The following HOXD9 variants were observed in gnomAD, a reference collection of about 807,000 sequenced individuals.
HOXD9 encodes the protein homeobox protein Hox-D9.
In HOXD9, 21 loss-of-function variants were observed where a neutral mutation model predicts 24.6. That is an observed-to-expected ratio of 0.85 (90% CI 0.61 to 1.23). HOXD9 has a LOEUF of 1.23. Ranked by LOEUF, HOXD9 falls within the 50% of genes most tolerant of loss-of-function variation. HOXD9 has a pLI of 0.00. For missense variants in HOXD9, 503 were observed against 503.6 expected, an observed-to-expected ratio of 1.00 and a Z score of 0.01; for synonymous variants, 240 against 226.4, an observed-to-expected ratio of 1.06 and a Z score of -0.54.
rs554224944 is a variant in HOXD9 at position 176,124,918 on chromosome 2, G to A, written c.*743G>A. ...ATAAATGCTGACCTGATCAAATGGA[G>A]CCCAGACGCTGGCCCTAAACATTGT... On this transcript the variant is annotated 3_prime_UTR_variant, in exon 2 of 2. Coordinates refer to ENST00000249499, the MANE Select transcript of HOXD9 (RefSeq NM_014213.4). The A allele has an allele frequency of 1.3e-5, 2 of 152,364 alleles. No individual in the cohort carries two copies. Among genetic ancestry groups the A allele is most frequent in the South Asian group, 4.1e-4 (2 of 4,830 alleles). 9.4% of individuals were successfully genotyped at this position (152,364 alleles called of 1,614,324 possible).
Position 176,123,379 on chromosome 2 carries a change from G to T in HOXD9, c.611G>T (p.Gly204Val). ...GCCCGGGAGTCCCAGGGGAGCAGCG[G>T]CCCCGAGTTCTCGTGCAACTCGTTC... ...SVARESQGSS[G>V]PEFSCNSFLQ... is the part of the protein sequence containing the mutation. The change falls in exon 1 of 2, where the codon GGC (glycine) becomes GTC (valine). Residue 204 changes from glycine to valine, a missense_variant. Transcript: ENST00000249499. This position sits in a 1 kb window ranked among gnomAD's most constrained non-coding sequence, Gnocchi z 4.2. 6.4e-7 allele frequency: 1 copy of T among 1,552,230 alleles called. No homozygotes were observed. Among genetic ancestry groups the T allele is most frequent in the Non-Finnish European group, 8.7e-7 (1 of 1,148,016 alleles).
At position 176,124,038 on chromosome 2, in the gene HOXD9, A is replaced by G; in HGVS notation, c.922A>G (p.Met308Val). ...LELEKEFLFN[M>V]YLTRDRRYEV... Reference sequence around the variant, plus strand: ...GCTGGAGAAAGAATTCCTCTTCAACATGTACCTCACCCGGGACCGGCGCTA... The same window carrying G: ...GCTGGAGAAAGAATTCCTCTTCAACGTGTACCTCACCCGGGACCGGCGCTA... Residue 308 changes from methionine to valine, a missense_variant, in exon 2 of 2, where the codon ATG becomes GTG. Coordinates refer to ENST00000249499, the MANE Select transcript of HOXD9 (RefSeq NM_014213.4). 1.2e-6 allele frequency: 2 copies of G among 1,614,156 alleles called. No homozygotes were observed. Among genetic ancestry groups the G allele is most frequent in the African/African-American group, 1.3e-5 (1 of 75,050 alleles).
Position 176,122,963 on chromosome 2 carries a change from G to T in HOXD9, c.195G>T (p.Ser65=). ...GPAATAAEFA[S]CSFAPRSAVF... ...CCGCCACCGCCGCCGAGTTCGCCTC[G>T]TGTAGTTTTGCCCCCAGATCGGCCG... The change falls in exon 1 of 2, where the codon TCG becomes TCT. Residue 65 remains serine, a synonymous_variant. Coordinates refer to ENST00000249499, the MANE Select transcript of HOXD9 (RefSeq NM_014213.4). 1.9e-6 allele frequency: 3 copies of T among 1,592,868 alleles called. No individual in the cohort carries two copies. Among genetic ancestry groups the T allele is most frequent in the Non-Finnish European group, 2.6e-6 (3 of 1,171,722 alleles).
rs1689944535 is a variant in HOXD9, at chr2:176,124,733, C to T, written c.*558C>T. 6.5e-6 allele frequency: 1 copy of T among 152,896 alleles called. No individual in the cohort carries two copies. Among genetic ancestry groups the T allele is most frequent in the Non-Finnish European group, 1.5e-5 (1 of 68,478 alleles). 9.5% of individuals were successfully genotyped at this position (152,896 alleles called of 1,614,324 possible). A position where few individuals can be genotyped will look rare whatever the true frequency, so the allele number is the denominator to read the frequency against. On this transcript the variant is annotated 3_prime_UTR_variant, in exon 2 of 2. Transcript: ENST00000249499. ...ACCTCGGTGGAGATCTCCAGTGAGG[C>T]TTAGAGGAGCCCAGGGCCTCGGGCG...
At position 176,123,896 on chromosome 2, in the gene HOXD9, T is replaced by C; in HGVS notation, c.818-38T>C. The stretch of plus-strand genomic sequence containing the variant: ...TGTGGTCTCTCCCTGCCTCCCCTCC[T>C]CTCCTCTCTCCCCGTCTCCAAACCT... On this transcript the variant is annotated intron_variant, in intron 1 of 1. Transcript: ENST00000249499. The surrounding 1 kb of genome is among the most constrained non-coding windows in gnomAD (Gnocchi z 4.2). 6.4e-7 allele frequency: 1 copy of C among 1,569,252 alleles called. No individual in the cohort carries two copies. Among genetic ancestry groups the C allele is most frequent in the Non-Finnish European group, 8.7e-7 (1 of 1,145,726 alleles).
Position 176,124,419 on chromosome 2 carries a change from A to C in HOXD9, c.*244A>C. The C allele has an allele frequency of 5.2e-6, 2 of 383,444 alleles. No homozygotes were observed. The highest frequency in any genetic ancestry group is 2.1e-5 in the African/African-American group (1 of 47,540). The allele number at this position is 383,444 out of a possible 1,614,324, so 23.8% of individuals were successfully genotyped here. A position where few individuals can be genotyped will look rare whatever the true frequency, so the allele number is the denominator to read the frequency against. ...TGGCTTTGGGGTTTCGCCCTATCCC[A>C]CTCCCTCTCTTTCCTGCTCCATTGG... is the stretch of plus-strand genomic sequence containing the variant. On this transcript the variant is annotated 3_prime_UTR_variant, in exon 2 of 2. Transcript: ENST00000249499.
Position 176,122,785 on chromosome 2 carries a change from C to T in HOXD9, c.17C>T (p.Ala6Val), listed in dbSNP as rs763407430. The T allele has an allele frequency of 3.9e-6, 6 of 1,522,230 alleles. No individual in the cohort carries two copies. The African/African-American group carries it at 7.2e-5, about 18-fold the overall frequency. 94.3% of individuals were successfully genotyped at this position (1,522,230 alleles called of 1,614,324 possible). A position where few individuals can be genotyped will look rare whatever the true frequency, so the allele number is the denominator to read the frequency against. MLGGS[A>V]GRLKMSSSGT... ...GACAGTGTAATGTTGGGTGGGAGTG[C>T]GGGACGCCTCAAAATGTCTTCCAGT... Residue 6 changes from alanine (A) to valine (V), a missense_variant, in exon 1 of 2, where the codon GCG becomes GTG. By Grantham distance (64) the Ala-to-Val change is moderately conservative. Coordinates refer to ENST00000249499, the MANE Select transcript of HOXD9 (RefSeq NM_014213.4).
In HOXD9 at chr2:176,123,436, G is replaced by T. The variant is rs577549659; in HGVS notation, c.668G>T (p.Gly223Val). Residue 223 changes from glycine to valine, a missense_variant, in exon 1 of 2, where the codon GGA becomes GTA. Coordinates refer to ENST00000249499, the MANE Select transcript of HOXD9 (RefSeq NM_014213.4). This position sits in a 1 kb window ranked among gnomAD's most constrained non-coding sequence, Gnocchi z 4.2. ...LQEKAAAATG[G>V]TGPGAGIGAA... Reference sequence around the variant, plus strand: ...GAGAAGGCGGCAGCGGCGACGGGGGGAACCGGGCCTGGGGCAGGGATCGGG... The same window carrying T: ...GAGAAGGCGGCAGCGGCGACGGGGGTAACCGGGCCTGGGGCAGGGATCGGG... The T allele has an allele frequency of 8.3e-6, 13 of 1,564,842 alleles. No individual in the cohort carries two copies. In the African/African-American group the frequency reaches 1.4e-4, roughly 16 times the overall value.
chr2:176,123,394 G>A lies in HOXD9; in HGVS notation c.626G>A (p.Cys209Tyr). 4 of 1,554,634 alleles carry A rather than the reference G, an allele frequency of 2.6e-6. No homozygotes were observed. The highest frequency in any genetic ancestry group is 3.5e-6 in the Non-Finnish European group (4 of 1,149,428). The change falls in exon 1 of 2, where the codon TGC (cysteine) becomes TAC (tyrosine). Residue 209 changes from cysteine to tyrosine, a missense_variant. By Grantham distance (194) the Cys-to-Tyr change is radical. Transcript: ENST00000249499. This position sits in a 1 kb window ranked among gnomAD's most constrained non-coding sequence, Gnocchi z 4.2. Reference sequence around the variant, plus strand: ...GGGAGCAGCGGCCCCGAGTTCTCGTGCAACTCGTTCCTGCAGGAGAAGGCG... The same window carrying A: ...GGGAGCAGCGGCCCCGAGTTCTCGTACAACTCGTTCCTGCAGGAGAAGGCG... The part of the protein sequence containing the change: ...SQGSSGPEFS[C>Y]NSFLQEKAAA...
chr2:176,124,280 C>T lies in HOXD9; in HGVS notation c.*105C>T. 7.0e-7 allele frequency: 1 copy of T among 1,424,710 alleles called. No homozygotes were observed. Among genetic ancestry groups the T allele is most frequent in the Non-Finnish European group, 9.3e-7 (1 of 1,074,816 alleles). 88.3% of individuals were successfully genotyped at this position (1,424,710 alleles called of 1,614,324 possible). ...TTGATTTCCAGAAACTCTCCAGCGA[C>T]TTGGACTTCTTCTTCTTTTTTTTTT... On this transcript the variant is annotated 3_prime_UTR_variant, in exon 2 of 2. Coordinates refer to ENST00000249499, the MANE Select transcript of HOXD9 (RefSeq NM_014213.4).
chr2:176,124,160 C>A lies in HOXD9; in HGVS notation c.1044C>A (p.Cys348Ter). 1 of 1,609,878 alleles carries A rather than the reference C, an allele frequency of 6.2e-7. No individual in the cohort carries two copies. The highest frequency in any genetic ancestry group is 8.5e-7 in the Non-Finnish European group (1 of 1,176,646). The change falls in exon 2 of 2, where the codon TGC (cysteine) becomes TGA (stop). Residue 348 changes from cysteine to a stop codon, truncating the protein, a stop_gained. Transcript: ENST00000249499. LOFTEE classifies it high-confidence loss of function. ...TGAAAAAGATGAGCAAGGAGAAATG[C>A]CCCAAAGGAGACTGACCCGGCGCGG... ...MKMKKMSKEKCPKGD is the reference protein window; with the variant it reads ...MKMKKMSKEK
Position 176,123,918 on chromosome 2 carries a change from A to G in HOXD9, c.818-16A>G, listed in dbSNP as rs568475051. 7.2e-5 allele frequency: 115 copies of G among 1,600,820 alleles called. No individual in the cohort carries two copies. Among genetic ancestry groups the G allele is most frequent in the South Asian group, 8.9e-5 (8 of 90,352 alleles). On this transcript the variant is annotated splice_polypyrimidine_tract_variant and intron_variant, in intron 1 of 1. Coordinates refer to ENST00000249499, the MANE Select transcript of HOXD9 (RefSeq NM_014213.4). This position sits in a 1 kb window ranked among gnomAD's most constrained non-coding sequence, Gnocchi z 4.2. ...TCCTCTCCTCTCTCCCCGTCTCCAA[A>G]CCTCCCTCTTTGTAGACAACCCCGC... is the stretch of plus-strand genomic sequence containing the variant.
In HOXD9 at chr2:176,123,072, C is replaced by CT. The variant is rs1313139072; in HGVS notation, c.304_305insT (p.Pro102LeufsTer60). ...CGGCCTCTACCACCCGTACGTTCCC[C>CT]CGCCGCCCCTGGCCGCCTCTGCCTC... On this transcript the variant is annotated frameshift_variant, in exon 1 of 2. Coordinates refer to ENST00000249499, the MANE Select transcript of HOXD9 (RefSeq NM_014213.4). LOFTEE classifies it high-confidence loss of function. The surrounding 1 kb of genome is among the most constrained non-coding windows in gnomAD (Gnocchi z 4.2). 6.4e-7 allele frequency: 1 copy of CT among 1,563,554 alleles called. No homozygotes were observed. Among genetic ancestry groups the CT allele is most frequent in the African/African-American group, 1.4e-5 (1 of 70,244 alleles).
In HOXD9 at chr2:176,124,133, A is replaced by G. The variant is rs1322446018; in HGVS notation, c.1017A>G (p.Lys339=). 6.2e-7 allele frequency: 1 copy of G among 1,613,640 alleles called. No individual in the cohort carries two copies. Among genetic ancestry groups the G allele is most frequent in the South Asian group, 1.1e-5 (1 of 91,060 alleles). Residue 339 remains lysine (K), a synonymous_variant, in exon 2 of 2, where the codon AAA becomes AAG. Transcript: ENST00000249499. ...VKIWFQNRRM[K]MKKMSKEKCP... ...TCTGGTTTCAGAACCGTAGGATGAA[A>G]ATGAAAAAGATGAGCAAGGAGAAAT...
In HOXD9 at chr2:176,123,702, C is replaced by A; in HGVS notation, c.817+117C>A. ...GTCTAGACGCCTACCCAAGCCTAGG[C>A]GAACAACATGCATCCATAAAAAGAG... On this transcript the variant is annotated intron_variant, in intron 1 of 1. Coordinates refer to ENST00000249499, the MANE Select transcript of HOXD9 (RefSeq NM_014213.4). This position sits in a 1 kb window ranked among gnomAD's most constrained non-coding sequence, Gnocchi z 4.2. The A allele has an allele frequency of 7.6e-7, 1 of 1,311,888 alleles. No individual in the cohort carries two copies. Among genetic ancestry groups the A allele is most frequent in the Non-Finnish European group, 1.0e-6 (1 of 989,538 alleles). The allele number at this position is 1,311,888 out of a possible 1,614,324, so 81.3% of individuals were successfully genotyped here.
chr2:176,122,986 C>A lies in HOXD9; in HGVS notation c.218C>A (p.Ala73Asp). 6.3e-7 allele frequency: 1 copy of A among 1,597,790 alleles called. No individual in the cohort carries two copies. The stretch of plus-strand genomic sequence containing the variant: ...TCGTGTAGTTTTGCCCCCAGATCGG[C>A]CGTGTTCTCTGCCTCGTGGTCCGCG... The part of the protein sequence containing the change: ...FASCSFAPRS[A>D]VFSASWSAVP... Residue 73 changes from alanine to aspartate, a missense_variant, in exon 1 of 2, where the codon GCC becomes GAC. Ala to Asp is a moderately radical substitution (Grantham distance 126). Coordinates refer to ENST00000249499, the MANE Select transcript of HOXD9 (RefSeq NM_014213.4).
At position 176,123,725 on chromosome 2, in the gene HOXD9, G is replaced by T. The variant is rs939733371; in HGVS notation, c.817+140G>T. 2.6e-5 allele frequency: 32 copies of T among 1,237,086 alleles called. No individual in the cohort carries two copies. Among genetic ancestry groups the T allele is most frequent in the Admixed American group, 9.2e-5 (3 of 32,456 alleles). The allele number at this position is 1,237,086 out of a possible 1,614,324, so 76.6% of individuals were successfully genotyped here. A position where few individuals can be genotyped will look rare whatever the true frequency, so the allele number is the denominator to read the frequency against. On this transcript the variant is annotated intron_variant, in intron 1 of 1. Transcript: ENST00000249499. The surrounding 1 kb of genome is among the most constrained non-coding windows in gnomAD (Gnocchi z 4.2). ...GGCGAACAACATGCATCCATAAAAA[G>T]AGCTTCCCATAACCACCTACCCTGG...
chr2:176,124,143 A>G lies in HOXD9; in HGVS notation c.1027A>G (p.Met343Val). The change falls in exon 2 of 2, where the codon ATG becomes GTG. Residue 343 changes from methionine to valine, a missense_variant. Met to Val is a conservative substitution (Grantham distance 21). Coordinates refer to ENST00000249499, the MANE Select transcript of HOXD9 (RefSeq NM_014213.4). ...GAACCGTAGGATGAAAATGAAAAAG[A>G]TGAGCAAGGAGAAATGCCCCAAAGG... ...FQNRRMKMKK[M>V]SKEKCPKGD 1 of 1,613,464 alleles carries G rather than the reference A, an allele frequency of 6.2e-7. No individual in the cohort carries two copies. The highest frequency in any genetic ancestry group is 8.5e-7 in the Non-Finnish European group (1 of 1,179,392).
In HOXD9 at chr2:176,122,730, C is replaced by A. The variant is rs760904643; in HGVS notation, c.-39C>A. The stretch of plus-strand genomic sequence containing the variant: ...GCAGCCTGCGAACTAGTCGGTGGCT[C>A]GGGCGCCGGCGGGGAGCTGCTCGGC... On this transcript the variant is annotated 5_prime_UTR_variant, in exon 1 of 2. Transcript: ENST00000249499. 2 of 1,454,222 alleles carry A rather than the reference C, an allele frequency of 1.4e-6. No homozygotes were observed. The highest frequency in any genetic ancestry group is 2.7e-5 in the East Asian group (1 of 37,316). The allele number at this position is 1,454,222 out of a possible 1,614,324, so 90.1% of individuals were successfully genotyped here.
Sources: allele counts gnomAD v4.1 joint callset, GRCh38; gene constraint gnomAD v4.1.1; non-coding constraint Gnocchi (gnomAD v3.1); transcripts MANE v1.5; gene names NCBI Gene and HGNC (gene_info 2026-07-23, HGNC 2026-07-21).